The following INSC variants were observed in gnomAD, a reference collection of about 807,000 sequenced individuals.
INSC encodes protein inscuteable homolog.
Under a neutral mutation model 58.6 loss-of-function variants are expected in INSC, and 67 were observed. That is an observed-to-expected ratio of 1.14 (90% CI 0.94 to 1.40). The LOEUF (loss-of-function observed/expected upper bound fraction) is 1.40. INSC is among the 40% of genes most tolerant of loss of function. The pLI is 0.00. For synonymous variants in INSC, 262 were observed against 276.1 expected (o/e 0.95, Z 0.51); for missense variants, 714 against 692.0 (o/e 1.03, Z -0.36).
chr11:15,206,856 C>T (rs1037051804), intron 7 of INSC, among the ~76,000 whole-genome samples: 1 of 152,202 alleles, frequency 6.6e-6, no homozygotes, highest in Non-Finnish European at 1.5e-5. Flanking sequence ...GGAGAAAGCA[C>T]TCTGCCTGTG....
chr11:15,204,697 C>CAAG (rs1850727953), intron 7 of INSC, among the ~76,000 whole-genome samples: 2 of 152,218 alleles, frequency 1.3e-5, no homozygotes, highest in Admixed American at 6.5e-5. Flanking sequence ...GGGCTCTTGC[C>CAAG]AGCCACCCAC....
At chr11:15,161,724 G>T (rs555731504) in intron 2 of INSC, among the ~76,000 whole-genome samples, 8 of 152,130 alleles carry the variant, frequency 5.3e-5, no homozygotes, top group African/African-American at 1.9e-4. Flanking sequence ...AGAATTGCCC[G>T]CCACTTACGT....
intron 2 of INSC, among the ~76,000 whole-genome samples, chr11:15,167,288 A>T (rs1620021): frequency 0.43 from 64,860 of 151,688 alleles, 14,820 homozygotes; most frequent in East Asian, 0.86. Context: ...CCTGGACATA[A>T]GCGGCATGCA....
intron 2 of INSC, among the ~76,000 whole-genome samples, chr11:15,160,827 G>T (rs1213187380): frequency 2.0e-5 from 3 of 152,318 alleles, no homozygotes; most frequent in Non-Finnish European, 4.4e-5. Flanking sequence ...CCATTAGGGT[G>T]CTGGACAAAC....
chr11:15,170,788 G>T (rs556920989), intron 2 of INSC, among the ~76,000 whole-genome samples: 2 of 152,138 alleles, frequency 1.3e-5, no homozygotes, highest in Non-Finnish European at 2.9e-5. Context: ...TCATCTATTT[G>T]CGCAAATAGG....
intron 1 of INSC, among the ~76,000 whole-genome samples, chr11:15,141,194 T>C (rs1848362863): frequency 6.6e-6 from 1 of 152,142 alleles, no homozygotes; most frequent in Non-Finnish European, 1.5e-5. Context: ...GCCTGGACAT[T>C]GCCCAGGAGC....
chr11:15,235,701 G>T, intron 10 of INSC, 33 bp downstream of exon 10: 1 of 1,544,336 alleles, frequency 6.5e-7, no homozygotes, highest in African/African-American at 1.4e-5. Context: ...ATGTTATGTG[G>T]ATTATCTGGA....
chr11:15,198,994 C>A (rs11023470), intron 6 of INSC, among the ~76,000 whole-genome samples: 34 of 151,946 alleles, frequency 2.2e-4, no homozygotes, highest in Non-Finnish European at 4.4e-4. Flanking sequence ...TACAACCCCC[C>A]ACCCTCCGAG....
the INSC span, among the ~76,000 whole-genome samples, chr11:15,253,246 G>A: frequency 4.6e-5 from 7 of 152,136 alleles, no homozygotes; most frequent in Non-Finnish European, 4.4e-5. Context: ...GGTAAGGAGG[G>A]CTGGGAGCAG....
At chr11:15,158,860 G>GTTTTTTTTTTTTT (rs529518368) in intron 2 of INSC, among the ~76,000 whole-genome samples, 76 of 109,648 alleles carry the variant, frequency 6.9e-4, no homozygotes, top group Non-Finnish European at 8.5e-4. Flanking sequence ...ATTGTTGGTG[G>GTTTTTTTTTTTTT]TTTTTTTTTT....
the INSC span, among the ~76,000 whole-genome samples, chr11:15,256,739 C>A: frequency 6.6e-6 from 1 of 152,078 alleles, no homozygotes; most frequent in Non-Finnish European, 1.5e-5. Context: ...CCACCCACTT[C>A]GGCCTCTCAA....
chr11:15,139,869 C>A (rs1175833200), intron 1 of INSC, among the ~76,000 whole-genome samples: 1 of 152,192 alleles, frequency 6.6e-6, no homozygotes, highest in Non-Finnish European at 1.5e-5. Context: ...CAGATTCTCA[C>A]TTTTGATCAT....
intron 7 of INSC, among the ~76,000 whole-genome samples, chr11:15,214,956 A>G (rs1851158287): frequency 6.6e-6 from 1 of 152,178 alleles, no homozygotes; most frequent in Non-Finnish European, 1.5e-5. Flanking sequence ...AGCCTCCAAA[A>G]CTGTAAGAAG....
Position 15,184,608 on chromosome 11 carries a change from G to T in INSC, c.580-6093G>T, listed in dbSNP as rs11023462. 173 of 152,460 alleles carry T rather than the reference G, an allele frequency of 1.1e-3. 5 individuals carry two copies. In the East Asian group the frequency reaches 0.031, roughly 28 times the overall value. The allele number at this position is 152,460 out of a possible 1,614,324, so 9.4% of individuals were successfully genotyped here. A position where few individuals can be genotyped will look rare whatever the true frequency, so the allele number is the denominator to read the frequency against. The stretch of plus-strand genomic sequence containing the variant: ...ACGGGGTTTCACCATGTTGGCCAGG[G>T]TGGTCTTGATCTTTTGACGTCATGA... On this transcript the variant is annotated intron_variant, in intron 5 of 12. Transcript: ENST00000379556.
At chr11:15,147,727 C>T (rs547855810) in intron 1 of INSC, among the ~76,000 whole-genome samples, 27 of 152,192 alleles carry the variant, frequency 1.8e-4, no homozygotes, top group South Asian at 4.1e-4. Flanking sequence ...AAACAGGCAA[C>T]GGCAGCAAGT....
the INSC span, among the ~76,000 whole-genome samples, chr11:15,256,732 C>T: frequency 6.6e-6 from 1 of 152,134 alleles, no homozygotes; most frequent in African/African-American, 2.4e-5. Context: ...TCATGATCCA[C>T]CCACTTCGGC....
At chr11:15,113,143 T>TTCTTTCTTTCTTTCTTTCTTTCTTTC, upstream of INSC, among the ~76,000 whole-genome samples, 22 of 98,690 alleles carry the variant, frequency 2.2e-4, 1 homozygote, top group East Asian at 2.3e-3. Context: ...CTTTCTTTCT[T>TTCTTTCTTTCTTTCTTTCTTTCTTTC]TCTGTCTCTC....
intron 5 of INSC, among the ~76,000 whole-genome samples, chr11:15,186,589 A>C (rs1849977368): frequency 6.6e-6 from 1 of 152,336 alleles, no homozygotes; most frequent in Non-Finnish European, 1.5e-5. Flanking sequence ...TAAATTGGAT[A>C]TTCCCACTTA....
chr11:15,227,926 T>G (rs1180796564), intron 9 of INSC, among the ~76,000 whole-genome samples: 1 of 152,230 alleles, frequency 6.6e-6, no homozygotes, highest in Middle Eastern at 3.2e-3. Context: ...ACAAGGAATT[T>G]TGGATTCAGA....
Sources: allele counts gnomAD v4.1 joint callset (sites outside exome capture counted in the v4.1 genomes callset), GRCh38; gene constraint gnomAD v4.1.1; transcripts MANE v1.5; gene names NCBI Gene and HGNC (gene_info 2026-07-23, HGNC 2026-07-21).